DPY30: variants seen among roughly 807,000 people sequenced by gnomAD.
DPY30 encodes protein dpy-30 homolog.
DPY30 carries 6 observed loss-of-function variants against 16.2 expected under a neutral mutation model. The observed-to-expected ratio is 0.37, with a 90% CI of 0.20 to 0.73. The LOEUF (loss-of-function observed/expected upper bound fraction) is 0.73, where lower values mean the gene tolerates loss of function less well. DPY30 is among the 30% of genes least tolerant of loss of function. The probability of loss-of-function intolerance (pLI) is 0.51; values close to 1 mark genes in which losing one functional copy is unlikely to be tolerated. For synonymous variants in DPY30, 39 were observed against 38.8 expected, an observed-to-expected ratio of 1.00 and a Z score of -0.02; for missense variants, 73 against 113.1, an observed-to-expected ratio of 0.65 and a Z score of 1.61.
downstream of DPY30, among the ~76,000 whole-genome samples, chr2:32,022,047 T>A (rs1220100684): frequency 6.6e-6 from 1 of 151,910 alleles, no homozygotes; most frequent in Non-Finnish European, 1.5e-5. Flanking sequence ...CCGTCTCTAC[T>A]AAAAATACAA....
chr2:32,025,033 A>C (rs1007955007), intron 4 of DPY30, among the ~76,000 whole-genome samples: 2 of 152,210 alleles, frequency 1.3e-5, no homozygotes, highest in African/African-American at 4.8e-5. Context: ...AGGCATATTG[A>C]AAATATGTTT....
intron 3 of DPY30, among the ~76,000 whole-genome samples, chr2:32,038,395 C>T (rs1675831741): frequency 9.3e-6 from 1 of 107,158 alleles, no homozygotes; most frequent in Non-Finnish European, 1.7e-5. Flanking sequence ...GCCACCGCGT[C>T]CGGCCTTATT....
At chr2:32,015,117 G>C (rs545092882) in intron 5 of DPY30, among the ~76,000 whole-genome samples, 1 of 151,512 alleles carries the variant, frequency 6.6e-6, no homozygotes, top group African/African-American at 2.4e-5. Context: ...CCATCTTTAG[G>C]CTTGATTTTG....
chr2:32,039,025 G>C (rs1675863149), intron 3 of DPY30, among the ~76,000 whole-genome samples: 1 of 152,146 alleles, frequency 6.6e-6, no homozygotes, highest in African/African-American at 2.4e-5. Flanking sequence ...CAAGAAAAAT[G>C]ATTCAGACAG....
chr2:32,029,498 A>G, intron 4 of DPY30, 96 bp downstream of exon 4: 1 of 1,398,442 alleles, frequency 7.2e-7, no homozygotes, highest in Non-Finnish European at 9.8e-7. Flanking sequence ...CATAAATCAC[A>G]CAGTAAAAAG....
At chr2:32,015,205 A>C (rs903292053) in intron 5 of DPY30, among the ~76,000 whole-genome samples, 5 of 152,158 alleles carry the variant, frequency 3.3e-5, no homozygotes, top group Non-Finnish European at 7.3e-5. Context: ...GCACCCTAAC[A>C]CTGAAAGCCC....
downstream of DPY30, chr2:32,011,743 G>C (rs532173392): frequency 6.6e-6 from 1 of 152,340 alleles, no homozygotes; most frequent in South Asian, 2.1e-4. Context: ...TGAAAGTTTT[G>C]GGGCAAACAC....
intron 5 of DPY30, among the ~76,000 whole-genome samples, chr2:32,017,663 T>C (rs1675090848): frequency 1.3e-5 from 2 of 152,132 alleles, no homozygotes; most frequent in Non-Finnish European, 2.9e-5. Flanking sequence ...TGGCACTCTT[T>C]CTATATTTGT....
intron 3 of DPY30, among the ~76,000 whole-genome samples, chr2:32,038,369 G>A (rs1422007311): frequency 7.4e-6 from 1 of 134,564 alleles, no homozygotes; most frequent in Non-Finnish European, 1.6e-5. Context: ...TCAAAGTGCT[G>A]GGATTACAAG....
intron 3 of DPY30, 21 bp from the exon 4 acceptor site, chr2:32,029,757 G>A (rs752692880): frequency 1.2e-6 from 2 of 1,611,454 alleles, no homozygotes; most frequent in Non-Finnish European, 1.7e-6. Context: ...CAAAAAAACA[G>A]TGCATGAACA....
At chr2:32,037,457 C>T (rs1042567770) in intron 3 of DPY30, among the ~76,000 whole-genome samples, 4 of 152,058 alleles carry the variant, frequency 2.6e-5, no homozygotes, top group East Asian at 3.9e-4. Flanking sequence ...AGGCACGTAC[C>T]GTCACACCCA....
At position 32,012,419 on chromosome 2, in the gene DPY30, C is replaced by CTTTTT. The variant is rs397984233; in HGVS notation, n.378-372_378-368dup. ...TGTATCCAAAACCTCTCTCTTTTTT[C>CTTTTT]TTTTTTTTTTTTTTTTTTTTTTTTT... On this transcript the variant is annotated intron_variant and non_coding_transcript_variant, in intron 5 of 5. Coordinates refer to the DPY30 transcript ENST00000414013. Among the ~76,000 whole-genome samples the CTTTTT allele has an allele frequency of 8.3e-4, 68 of 81,692 alleles. 1 individual carries two copies. Among genetic ancestry groups the CTTTTT allele is most frequent in the Non-Finnish European group, 1.1e-3 (45 of 41,484 alleles). The allele number at this position is 81,692 out of a possible 152,430, so 53.6% of individuals were successfully genotyped here.
intron 3 of DPY30, among the ~76,000 whole-genome samples, chr2:32,034,650 C>T (rs1043068805): frequency 1.3e-5 from 2 of 152,096 alleles, no homozygotes; most frequent in Admixed American, 1.3e-4. Flanking sequence ...AGGAACAATC[C>T]TTGCAGCTCA....
rs1675248426 is a variant in DPY30, at chr2:32,024,106, T to C, written c.*78A>G. ...TTCTTATACATCCAAAAAGAGGGAA[T>C]GATCATGGCAATTAAAGCTGCCTCT... On this transcript the variant is annotated 3_prime_UTR_variant, in exon 5 of 5. Transcript: ENST00000342166. 6.4e-7 allele frequency: 1 copy of C among 1,554,468 alleles called. No homozygotes were observed. Among genetic ancestry groups the C allele is most frequent in the Non-Finnish European group, 8.7e-7 (1 of 1,152,232 alleles).
At chr2:32,014,293 G>T (rs1275161735) in intron 5 of DPY30, among the ~76,000 whole-genome samples, 1 of 152,100 alleles carries the variant, frequency 6.6e-6, no homozygotes. Flanking sequence ...GACCAGCCTG[G>T]ACAACATAGC....
chr2:32,018,441 A>G (rs971343729), intron 5 of DPY30, among the ~76,000 whole-genome samples: 5 of 152,198 alleles, frequency 3.3e-5, no homozygotes, highest in African/African-American at 7.2e-5. Context: ...TTAAAAAAAA[A>G]TGTCAGCCAG....
intron 4 of DPY30, among the ~76,000 whole-genome samples, chr2:32,026,803 C>T (rs111401113): frequency 1.8e-4 from 27 of 151,344 alleles, no homozygotes; most frequent in Non-Finnish European, 3.7e-4. Context: ...AGCAAAACTC[C>T]GTCTCAAAAA....
intron 5 of DPY30, among the ~76,000 whole-genome samples, chr2:32,014,586 C>A (rs570786048): frequency 1.3e-5 from 2 of 151,968 alleles, no homozygotes; most frequent in Non-Finnish European, 1.5e-5. Context: ...CGGGTTCATG[C>A]CATTCTCCTG....
At chr2:32,028,658 G>A (rs11893435) in intron 4 of DPY30, among the ~76,000 whole-genome samples, 20,445 of 151,994 alleles carry the variant, frequency 0.13, 1,535 homozygotes, top group Middle Eastern at 0.25. Context: ...AAAACTAGCC[G>A]GGCATGGTGG....
Sources: gnomAD v4.1 joint callset for allele counts (sites outside exome capture counted in the v4.1 genomes callset) on GRCh38, gnomAD v4.1.1 for gene constraint, MANE v1.5 for transcripts, NCBI Gene and HGNC (gene_info 2026-07-23, HGNC 2026-07-21) for gene names.